Variants in KIF6 observed in about 807,000 individuals in gnomAD.
KIF6 encodes the protein kinesin-like protein KIF6.
A neutral mutation model predicts 112.7 loss-of-function variants in KIF6; 106 were observed. That is an observed-to-expected ratio of 0.94 (90% confidence interval 0.80 to 1.11). KIF6 has a LOEUF of 1.11. Among genes scored for constraint, KIF6 ranks in the 50% least tolerant of loss-of-function variants. The pLI is 0.00. For missense variants in KIF6, 929 were observed against 964.0 expected (o/e 0.96, Z 0.48); for synonymous variants, 339 against 339.9 (o/e 1.00, Z 0.03).
chr6:39,454,536 A>G (rs10947812), intron 13 of KIF6, among the ~76,000 whole-genome samples: 4 of 147,770 alleles, frequency 2.7e-5, no homozygotes, highest in Non-Finnish European at 4.6e-5. Context: ...AGCATCAAAA[A>G]AAAAAAAAAA....
chr6:39,536,834 G>T (rs1396630880), intron 13 of KIF6, among the ~76,000 whole-genome samples: 1 of 152,138 alleles, frequency 6.6e-6, no homozygotes, highest in Non-Finnish European at 1.5e-5. Context: ...CTGGCAAAAC[G>T]AATCCAGCAG....
At position 39,558,540 on chromosome 6, in the gene KIF6, T is replaced by C. The variant is rs547547838; in HGVS notation, c.1182-12852A>G. 7.6e-4 allele frequency among the ~76,000 whole-genome samples: 116 copies of C among 152,286 alleles called. No individual in the cohort carries two copies. The Middle Eastern group carries it at 0.01, about 13-fold the overall frequency. Reference sequence around the variant, plus strand: ...GGAAAGCAAGAGAGAAAGACAAATATTCTTGGTTGTGATGAAGGGTCCCAT... The same window carrying C: ...GGAAAGCAAGAGAGAAAGACAAATACTCTTGGTTGTGATGAAGGGTCCCAT... On this transcript the variant is annotated intron_variant, in intron 10 of 22. Transcript: ENST00000287152.
At chr6:39,415,975 C>T (rs1160187142) in intron 15 of KIF6, among the ~76,000 whole-genome samples, 10 of 152,148 alleles carry the variant, frequency 6.6e-5, no homozygotes, top group Non-Finnish European at 4.4e-5. Flanking sequence ...TTACATTCCC[C>T]GTGATTTTTG....
intron 6 of KIF6, among the ~76,000 whole-genome samples, chr6:39,599,629 T>C (rs1782470845): frequency 1.3e-5 from 2 of 152,182 alleles, no homozygotes; most frequent in African/African-American, 2.4e-5. Context: ...AGAACCTAAG[T>C]TGAGGTGTTT....
chr6:39,555,309 A>G (rs1027198876), intron 10 of KIF6, among the ~76,000 whole-genome samples: 10 of 152,020 alleles, frequency 6.6e-5, no homozygotes, highest in Admixed American at 3.3e-4. Flanking sequence ...GGCCAGCCCA[A>G]TGTCCTGCTC....
intron 15 of KIF6, among the ~76,000 whole-genome samples, chr6:39,391,763 A>G (rs1478603912): frequency 6.6e-6 from 1 of 152,256 alleles, no homozygotes; most frequent in Non-Finnish European, 1.5e-5. Context: ...TACAGATGAA[A>G]GTAATTTTCT....
At chr6:39,380,074 T>C (rs1489008813) in intron 16 of KIF6, among the ~76,000 whole-genome samples, 1 of 152,148 alleles carries the variant, frequency 6.6e-6, no homozygotes. Context: ...ACTAAATCAT[T>C]TGGGGTCGAT....
At chr6:39,519,777 T>C (rs1777280890) in intron 13 of KIF6, among the ~76,000 whole-genome samples, 2 of 148,750 alleles carry the variant, frequency 1.3e-5, no homozygotes, top group African/African-American at 5.0e-5. Flanking sequence ...ATTCCAGCCC[T>C]TCAGGAGGCC....
At chr6:39,633,124 T>C (rs924124419) in intron 5 of KIF6, among the ~76,000 whole-genome samples, 4 of 152,038 alleles carry the variant, frequency 2.6e-5, no homozygotes, top group Non-Finnish European at 5.9e-5. Flanking sequence ...TAGTAGTGTC[T>C]CTACTGCCTA....
rs79738464 is a variant in KIF6, at chr6:39,588,892, C to T, written c.847-2488G>A. Among the ~76,000 whole-genome samples, 74 of 152,298 alleles carry T rather than the reference C, an allele frequency of 4.9e-4. 1 individual carries two copies. In the East Asian group the frequency reaches 5.0e-3, roughly 10 times the overall value. ...GATCCCTTGCTTGGGAAACCACACA[C>T]GCCTTGGATTAGTCTCCCTGCTTCT... On this transcript the variant is annotated intron_variant, in intron 7 of 22. Coordinates refer to ENST00000287152, the MANE Select transcript of KIF6 (RefSeq NM_145027.6).
intron 16 of KIF6, among the ~76,000 whole-genome samples, chr6:39,380,168 A>G (rs964082952): frequency 3.3e-5 from 5 of 152,254 alleles, no homozygotes; most frequent in African/African-American, 1.2e-4. Flanking sequence ...TTAAGTTAGT[A>G]TCATTTCCAA....
chr6:39,710,238 T>A (rs1455786771), intron 3 of KIF6, among the ~76,000 whole-genome samples: 1 of 152,156 alleles, frequency 6.6e-6, no homozygotes, highest in Non-Finnish European at 1.5e-5. Context: ...AAAGAGGGCC[T>A]CACGCCTAGC....
chr6:39,694,954 C>T (rs982172644), intron 3 of KIF6, among the ~76,000 whole-genome samples: 1 of 152,142 alleles, frequency 6.6e-6, no homozygotes, highest in African/African-American at 2.4e-5. Flanking sequence ...AAGCATAGTA[C>T]TATTACAAAA....
chr6:39,444,344 A>G (rs1337541361), intron 13 of KIF6, among the ~76,000 whole-genome samples: 1 of 152,222 alleles, frequency 6.6e-6, no homozygotes, highest in Admixed American at 6.5e-5. Flanking sequence ...TAAGGTTTAC[A>G]ATGTGATGAT....
At chr6:39,424,759 G>A (rs1770643413) in intron 14 of KIF6, among the ~76,000 whole-genome samples, 1 of 152,198 alleles carries the variant, frequency 6.6e-6, no homozygotes, top group South Asian at 2.1e-4. Context: ...GGAACCCCCC[G>A]TAGGGAATGT....
At chr6:39,399,403 G>A (rs1768518360) in intron 15 of KIF6, among the ~76,000 whole-genome samples, 1 of 152,154 alleles carries the variant, frequency 6.6e-6, no homozygotes, top group Non-Finnish European at 1.5e-5. Context: ...TTTGTACTGA[G>A]TGAGCTGAGC....
intron 15 of KIF6, among the ~76,000 whole-genome samples, chr6:39,399,600 T>C (rs1768535898): frequency 6.6e-6 from 1 of 152,226 alleles, no homozygotes; most frequent in Admixed American, 6.5e-5. Context: ...TGCTATAAAC[T>C]ATCTTGTGAG....
intron 3 of KIF6, among the ~76,000 whole-genome samples, chr6:39,705,946 T>A (rs1789182092): frequency 6.6e-6 from 1 of 152,216 alleles, no homozygotes; most frequent in African/African-American, 2.4e-5. Context: ...CAGGATCTGC[T>A]TCTGGTGGCA....
intron 13 of KIF6, among the ~76,000 whole-genome samples, chr6:39,475,374 A>G (rs1280616796): frequency 6.6e-6 from 1 of 152,242 alleles, no homozygotes; most frequent in East Asian, 1.9e-4. Context: ...AGCACCAAAC[A>G]TAACAACAGA....
Sources: gnomAD v4.1 joint callset for allele counts (sites outside exome capture counted in the v4.1 genomes callset) on GRCh38, gnomAD v4.1.1 for gene constraint, MANE v1.5 for transcripts, NCBI Gene and HGNC (gene_info 2026-07-23, HGNC 2026-07-21) for gene names.